Variants in CASD1 observed in about 807,000 individuals in gnomAD.
The protein encoded by CASD1 is N-acetylneuraminate (7)9-O-acetyltransferase.
In CASD1, 41 loss-of-function variants were observed where a neutral mutation model predicts 100.0. The observed-to-expected ratio is 0.41, with a 90% confidence interval of 0.32 to 0.53. The LOEUF (loss-of-function observed/expected upper bound fraction) is 0.53. CASD1 is among the 20% of genes least tolerant of loss of function. The probability of loss-of-function intolerance (pLI) is 0.25; values close to 1 mark genes in which losing one functional copy is unlikely to be tolerated. For synonymous variants in CASD1, 321 were observed against 315.6 expected, an observed-to-expected ratio of 1.02 and a Z score of -0.18; for missense variants, 774 against 948.7, an observed-to-expected ratio of 0.82 and a Z score of 2.42.
At chr7:94,549,028 A>G (rs987250125) in intron 13 of CASD1, among the ~76,000 whole-genome samples, 13 of 151,916 alleles carry the variant, frequency 8.6e-5, no homozygotes, top group Non-Finnish European at 2.9e-5. Flanking sequence ...GACTCTTTTA[A>G]CTCAAATAGT....
chr7:94,582,988 T>G, the CASD1 span, among the ~76,000 whole-genome samples: 1 of 152,330 alleles, frequency 6.6e-6, no homozygotes, highest in East Asian at 1.9e-4. Context: ...GCCCTATTTT[T>G]GGATGGCTTG....
chr7:94,557,130 G>A (rs1415072305), downstream of CASD1: 1 of 152,026 alleles, frequency 6.6e-6, no homozygotes, highest in Admixed American at 6.6e-5. Flanking sequence ...AGTTGGATAA[G>A]GAATCATTTA....
At chr7:94,631,984 T>G in the CASD1 span, among the ~76,000 whole-genome samples, 4 of 152,150 alleles carry the variant, frequency 2.6e-5, no homozygotes, top group East Asian at 5.8e-4. Context: ...GTCTGGTATA[T>G]TTGAATAATT....
At chr7:94,625,676 T>C in the CASD1 span, 1 of 152,172 alleles carries the variant, frequency 6.6e-6, no homozygotes, top group Non-Finnish European at 1.5e-5. Context: ...TTTTTTTTAA[T>C]TGAACATTGT....
the CASD1 span, chr7:94,597,129 T>C: frequency 6.6e-6 from 1 of 152,162 alleles, no homozygotes; most frequent in South Asian, 2.1e-4. Context: ...ATCCGTTGCA[T>C]TCAGTACAAC....
Position 94,510,042 on chromosome 7 carries a change from C to T in CASD1, c.-43C>T. The T allele has an allele frequency of 6.8e-7, 1 of 1,470,110 alleles. No homozygotes were observed. The highest frequency in any genetic ancestry group is 9.1e-7 in the Non-Finnish European group (1 of 1,102,258). 91.1% of individuals were successfully genotyped at this position (1,470,110 alleles called of 1,614,324 possible). On this transcript the variant is annotated 5_prime_UTR_variant, in exon 1 of 18. Coordinates refer to ENST00000297273, the MANE Select transcript of CASD1 (RefSeq NM_022900.5). ...CCCAGTGCTGCCCCTGTGCGGCGCC[C>T]CTTTCCCGCTCCGCCGCGCACTGTT...
chr7:94,569,856 C>T, the CASD1 span, among the ~76,000 whole-genome samples: 1 of 151,406 alleles, frequency 6.6e-6, no homozygotes, highest in Non-Finnish European at 1.5e-5. Context: ...CTCTGTCACC[C>T]AGGCTGGAGT....
intron 10 of CASD1, among the ~76,000 whole-genome samples, chr7:94,542,044 T>C (rs1243908885): frequency 6.6e-6 from 1 of 152,188 alleles, no homozygotes; most frequent in African/African-American, 2.4e-5. Context: ...ACTTGGAAAA[T>C]TGTTGTTACA....
chr7:94,510,628 A>G (rs1404780537), intron 1 of CASD1, among the ~76,000 whole-genome samples: 1 of 152,276 alleles, frequency 6.6e-6, no homozygotes, highest in East Asian at 1.9e-4. Flanking sequence ...CCGCCCTGCA[A>G]GGGGCACCGC....
At chr7:94,537,946 A>T in intron 9 of CASD1, 52 bp downstream of exon 9, 6 of 988,758 alleles carry the variant, frequency 6.1e-6, no homozygotes, top group Non-Finnish European at 9.1e-6. Flanking sequence ...CTCATTACAT[A>T]CTCTGTGTTA....
chr7:94,624,325 G>T, the CASD1 span: 2 of 397,454 alleles, frequency 5.0e-6, no homozygotes, highest in Non-Finnish European at 8.9e-6. Context: ...AAATATCAAA[G>T]ATTTTTATAC....
the CASD1 span, among the ~76,000 whole-genome samples, chr7:94,595,245 A>G: frequency 6.6e-6 from 1 of 152,224 alleles, no homozygotes; most frequent in Non-Finnish European, 1.5e-5. Context: ...GCCATTCATT[A>G]CATAACATTG....
intron 3 of CASD1, among the ~76,000 whole-genome samples, chr7:94,522,513 G>A (rs552226759): frequency 1.8e-4 from 27 of 152,242 alleles, no homozygotes; most frequent in Middle Eastern, 6.8e-3. Context: ...GTTAATGATA[G>A]GACAAGCAAA....
At chr7:94,548,014 C>T (rs1206221655) in intron 13 of CASD1, among the ~76,000 whole-genome samples, 2 of 151,390 alleles carry the variant, frequency 1.3e-5, no homozygotes, top group East Asian at 1.9e-4. Context: ...ACTATTTCTG[C>T]TTGACACTCA....
chr7:94,588,650 T>G, the CASD1 span: 1 of 1,572,092 alleles, frequency 6.4e-7, no homozygotes, highest in Non-Finnish European at 8.7e-7. Flanking sequence ...ATCTATTAGA[T>G]TCATTCATAA....
chr7:94,575,080 T>C, the CASD1 span, among the ~76,000 whole-genome samples: 1 of 152,296 alleles, frequency 6.6e-6, no homozygotes, highest in South Asian at 2.1e-4. Flanking sequence ...ATTTCTTGTC[T>C]TCTGCTAGCT....
chr7:94,520,259 TTGTCCCTAGCATAA>T (rs1178646157), intron 3 of CASD1, among the ~76,000 whole-genome samples: 4 of 152,240 alleles, frequency 2.6e-5, no homozygotes, highest in Non-Finnish European at 4.4e-5. Flanking sequence ...AATATATTTC[TTGTCCCTAGCATAA>T]TCTGGCATAT....
the CASD1 span, among the ~76,000 whole-genome samples, chr7:94,582,801 A>T: frequency 6.6e-6 from 1 of 152,230 alleles, no homozygotes; most frequent in Non-Finnish European, 1.5e-5. Context: ...ATGACGACTT[A>T]ATATCTGTCT....
At chr7:94,599,849 C>T in the CASD1 span, 2 of 740,174 alleles carry the variant, frequency 2.7e-6, no homozygotes, top group Non-Finnish European at 4.8e-6. Flanking sequence ...TGCAACCAGG[C>T]AGCATTTGCC....
Sources: gnomAD v4.1 joint callset for allele counts (sites outside exome capture counted in the v4.1 genomes callset) on GRCh38, gnomAD v4.1.1 for gene constraint, MANE v1.5 for transcripts, NCBI Gene and HGNC (gene_info 2026-07-23, HGNC 2026-07-21) for gene names.